The following PPIL4 variants were observed in gnomAD, a reference collection of about 807,000 sequenced individuals.
The protein encoded by PPIL4 is peptidylprolyl isomerase like 4, also known as peptidyl-prolyl cis-trans isomerase-like 4.
PPIL4 carries 50 observed loss-of-function variants against 69.1 expected under a neutral mutation model. The observed-to-expected ratio is 0.72, with a 90% confidence interval of 0.58 to 0.92. The LOEUF is 0.92. Ranked by LOEUF, PPIL4 falls within the 40% of genes least tolerant of loss-of-function variation. PPIL4 has a pLI of 0.00. For missense variants in PPIL4, 480 were observed against 587.9 expected, an observed-to-expected ratio of 0.82 and a Z score of 1.90; for synonymous variants, 193 against 191.6, an observed-to-expected ratio of 1.01 and a Z score of -0.06.
intron 10 of PPIL4, among the ~76,000 whole-genome samples, chr6:149,520,040 C>T (rs977148121): frequency 4.9e-4 from 74 of 152,224 alleles, no homozygotes; most frequent in African/African-American, 1.3e-3. Context: ...AAAGGTGGAA[C>T]ATACTGCTAT....
chr6:149,533,233 C>A (rs945770456), intron 7 of PPIL4, among the ~76,000 whole-genome samples: 1 of 152,136 alleles, frequency 6.6e-6, no homozygotes, highest in Non-Finnish European at 1.5e-5. Flanking sequence ...AGTTAGAGAT[C>A]CACTTCCCAC....
intron 9 of PPIL4, among the ~76,000 whole-genome samples, chr6:149,522,335 A>T (rs911086182): frequency 2.0e-5 from 3 of 152,238 alleles, no homozygotes; most frequent in Non-Finnish European, 4.4e-5. Flanking sequence ...ATAAATATTC[A>T]AAAGTCAAAA....
At chr6:149,506,338 G>A (rs1448994872) in intron 12 of PPIL4, among the ~76,000 whole-genome samples, 2 of 152,088 alleles carry the variant, frequency 1.3e-5, no homozygotes, top group African/African-American at 2.4e-5. Flanking sequence ...CAGGTGTGGG[G>A]ACGCATGCCT....
Position 149,517,417 on chromosome 6 carries a change from T to C in PPIL4, c.1016A>G (p.Tyr339Cys). Residue 339 changes from tyrosine (Y) to cysteine (C), a missense_variant, in exon 11 of 13, where the codon TAT becomes TGT. Transcript: ENST00000253329. ...AGGTGGTTTATCCTGTTCTTTTTCA[T>C]ACTCCTTGAAATCACTCTTGGTGTA... ...GKYTKSDFKEYEKEQDKPPNL... is the reference protein window; with the variant it reads ...GKYTKSDFKECEKEQDKPPNL... 1 of 1,606,180 alleles carries C rather than the reference T, an allele frequency of 6.2e-7. No individual in the cohort carries two copies. Among genetic ancestry groups the C allele is most frequent in the Non-Finnish European group, 8.5e-7 (1 of 1,174,932 alleles).
intron 2 of PPIL4, 21 bp from the exon 3 acceptor site, chr6:149,541,452 T>C: frequency 6.4e-7 from 1 of 1,567,970 alleles, no homozygotes; most frequent in Admixed American, 1.7e-5. Flanking sequence ...TAGGATTCTT[T>C]GTTAATTCAC....
At chr6:149,517,297 C>T in intron 11 of PPIL4, 57 bp downstream of exon 11, 1 of 939,492 alleles carries the variant, frequency 1.1e-6, no homozygotes, top group South Asian at 1.3e-5. Context: ...TCACACAGTA[C>T]TCTACACATA....
chr6:149,537,879 T>A (rs1367648259), intron 4 of PPIL4, among the ~76,000 whole-genome samples: 1 of 152,190 alleles, frequency 6.6e-6, no homozygotes, highest in South Asian at 2.1e-4. Context: ...GCTCTTTTAA[T>A]AAGAAATCCT....
intron 4 of PPIL4, among the ~76,000 whole-genome samples, chr6:149,539,257 AG>A (rs953639099): frequency 5.3e-5 from 8 of 152,262 alleles, no homozygotes; most frequent in African/African-American, 1.9e-4. Flanking sequence ...CAGTAGTAGC[AG>A]GGTCTGAGAG....
intron 5 of PPIL4, 144 bp downstream of exon 5, chr6:149,535,452 A>T (rs1777261887): frequency 2.3e-6 from 1 of 439,912 alleles, no homozygotes; most frequent in South Asian, 8.0e-5. Context: ...AAAGATTCTT[A>T]CAGTCTTATA....
At chr6:149,542,756 AC>A (rs1210673519) in intron 1 of PPIL4, among the ~76,000 whole-genome samples, 1 of 152,216 alleles carries the variant, frequency 6.6e-6, no homozygotes, top group Non-Finnish European at 1.5e-5. Context: ...AAAGAACTGG[AC>A]TAGCAGAGAG....
intron 7 of PPIL4, among the ~76,000 whole-genome samples, chr6:149,527,710 T>C (rs1777128379): frequency 6.6e-6 from 1 of 152,228 alleles, no homozygotes; most frequent in African/African-American, 2.4e-5. Context: ...TTTCCTTGCA[T>C]ATCATCAGAG....
intron 1 of PPIL4, among the ~76,000 whole-genome samples, chr6:149,542,144 G>A (rs1234983527): frequency 6.6e-6 from 1 of 151,814 alleles, no homozygotes; most frequent in Non-Finnish European, 1.5e-5. Context: ...ACACTTATAA[G>A]CAATCATTTA....
intron 1 of PPIL4, among the ~76,000 whole-genome samples, chr6:149,545,643 T>TCA (rs754557012): frequency 3.3e-5 from 5 of 151,788 alleles, no homozygotes; most frequent in African/African-American, 7.3e-5. Flanking sequence ...GCAGCTCGAA[T>TCA]CACACACACA....
At chr6:149,532,656 A>T (rs940825042) in intron 7 of PPIL4, among the ~76,000 whole-genome samples, 3 of 152,174 alleles carry the variant, frequency 2.0e-5, no homozygotes, top group African/African-American at 7.2e-5. Context: ...TACAAAAAAA[A>T]TTTTAAAATT....
intron 11 of PPIL4, among the ~76,000 whole-genome samples, chr6:149,513,745 C>T (rs538381449): frequency 6.6e-6 from 1 of 151,762 alleles, no homozygotes; most frequent in East Asian, 1.9e-4. Context: ...GATGAAGCTA[C>T]GAGTGAATCT....
chr6:149,514,037 C>T (rs1050367551), intron 11 of PPIL4, among the ~76,000 whole-genome samples: 2 of 152,142 alleles, frequency 1.3e-5, no homozygotes, highest in African/African-American at 4.8e-5. Flanking sequence ...ACTAGAGGCT[C>T]GTGTCTGCTT....
chr6:149,514,661 A>G (rs1757991275), intron 11 of PPIL4, among the ~76,000 whole-genome samples: 1 of 151,238 alleles, frequency 6.6e-6, no homozygotes, highest in African/African-American at 2.4e-5. Context: ...TAATCCATCA[A>G]TGGGGTATAA....
rs1365936795 is a variant in PPIL4 at position 149,534,679 on chromosome 6, T to C, written c.560A>G (p.Asp187Gly). The change falls in exon 6 of 13, where the codon GAT (aspartate) becomes GGT (glycine). Residue 187 changes from aspartate to glycine, a missense_variant and splice_region_variant. By Grantham distance (94) the Asp-to-Gly change is moderately conservative (BLOSUM62 -1). Transcript: ENST00000253329. ...RSPEPTREQL[D>G]SGRIGADEEI... ...TAATCATAAGAGGGCTTTACTTACA[T>C]CTAATTGTTCCCTTGTAGGTTCTGG... 6.8e-7 allele frequency: 1 copy of C among 1,481,480 alleles called. No homozygotes were observed. The highest frequency in any genetic ancestry group is 1.8e-5 in the Admixed American group (1 of 54,214). The allele number at this position is 1,481,480 out of a possible 1,614,324, so 91.8% of individuals were successfully genotyped here. A position where few individuals can be genotyped will look rare whatever the true frequency, so the allele number is the denominator to read the frequency against.
chr6:149,537,716 AAAG>A (rs200138609), intron 4 of PPIL4, among the ~76,000 whole-genome samples: 4,018 of 152,054 alleles, frequency 0.026, 152 homozygotes, highest in African/African-American at 0.091. Flanking sequence ...AAAAAAAAAA[AAAG>A]AATGATGCTA....
Sources: allele counts gnomAD v4.1 joint callset (sites outside exome capture counted in the v4.1 genomes callset), GRCh38; gene constraint gnomAD v4.1.1; transcripts MANE v1.5; gene names NCBI Gene and HGNC (gene_info 2026-07-23, HGNC 2026-07-21).